The following ZBTB20 variants were observed in gnomAD, a reference collection of about 807,000 sequenced individuals.
ZBTB20 encodes zinc finger and BTB domain containing 20.
A neutral mutation model predicts 56.9 loss-of-function variants in ZBTB20; 9 were observed. The ratio of observed to expected loss-of-function variants is 0.16; its 90% CI spans 0.10 to 0.28. The LOEUF is 0.28. ZBTB20 is among the 10% of genes least tolerant of loss of function. ZBTB20 has a pLI of 1.00. For missense variants in ZBTB20, 655 were observed against 1,003.0 expected (o/e 0.65, Z 4.69); for synonymous variants, 417 against 420.7 (o/e 0.99, Z 0.11).
intron 2 of ZBTB20, among the ~76,000 whole-genome samples, chr3:114,985,307 T>C (rs1181318244): frequency 6.6e-6 from 1 of 152,052 alleles, no homozygotes; most frequent in Admixed American, 6.6e-5. Context: ...GCTTACAATG[T>C]GCAAGGTAGT....
In ZBTB20 at chr3:114,851,968, A is replaced by T. The variant is rs894545494; in HGVS notation, c.-417+48336T>A. Among the ~76,000 whole-genome samples the T allele has an allele frequency of 3.9e-5, 6 of 152,074 alleles. No individual in the cohort carries two copies. The South Asian group carries it at 1.0e-3, about 26-fold the overall frequency. ...TTTTTGGAGATACTATTTTTGTCTGAGATACGAGTTGCCAATCAAAATGAT... is the reference window on the plus strand; with the variant it reads ...TTTTTGGAGATACTATTTTTGTCTGTGATACGAGTTGCCAATCAAAATGAT... On this transcript the variant is annotated intron_variant, in intron 4 of 11. Transcript: ENST00000675478.
At chr3:114,784,421 A>G (rs1315988164) in intron 5 of ZBTB20, among the ~76,000 whole-genome samples, 2 of 152,228 alleles carry the variant, frequency 1.3e-5, no homozygotes, top group East Asian at 3.8e-4. Context: ...ACAAAATACA[A>G]TTAAATATGA....
At chr3:114,412,328 A>C (rs572898986) in intron 7 of ZBTB20, among the ~76,000 whole-genome samples, 47 of 152,280 alleles carry the variant, frequency 3.1e-4, no homozygotes, top group African/African-American at 1.1e-3. Flanking sequence ...CACTGTACAA[A>C]TGTAAGACAT....
chr3:114,793,295 A>T lies in ZBTB20; in HGVS notation c.-343+7806T>A, dbSNP rs184320040. On this transcript the variant is annotated intron_variant, in intron 5 of 11. Transcript: ENST00000675478. ...GTCTTAAGAAGAAAAATGTACACCA[A>T]ACCCCAATTATTAAACATTGGAATT... 4.6e-5 allele frequency among the ~76,000 whole-genome samples: 7 copies of T among 152,224 alleles called. No homozygotes were observed. The East Asian group carries it at 1.4e-3, about 29-fold the overall frequency.
chr3:114,675,160 C>T (rs986570696), intron 6 of ZBTB20, among the ~76,000 whole-genome samples: 2 of 151,452 alleles, frequency 1.3e-5, no homozygotes, highest in Non-Finnish European at 1.5e-5. Flanking sequence ...ATGCCCTGAT[C>T]TTCTAGCCAC....
intron 6 of ZBTB20, chr3:114,519,954 A>G (rs2046445292): frequency 6.6e-6 from 1 of 152,148 alleles, no homozygotes. Context: ...AAGTAAACCT[A>G]CTGAGGTTAT....
intron 5 of ZBTB20, among the ~76,000 whole-genome samples, chr3:114,768,106 T>C (rs2068912694): frequency 6.6e-6 from 1 of 151,968 alleles, no homozygotes; most frequent in Non-Finnish European, 1.5e-5. Flanking sequence ...GACCAAGCCA[T>C]AATAAATGGT....
chr3:114,385,625 T>C (rs1576520647), intron 8 of ZBTB20, among the ~76,000 whole-genome samples: 1 of 152,090 alleles, frequency 6.6e-6, no homozygotes, highest in African/African-American at 2.4e-5. Context: ...TCCCAGTACT[T>C]TGGGAAGTCG....
chr3:114,854,407 A>G (rs1326901131), intron 4 of ZBTB20, among the ~76,000 whole-genome samples: 7 of 152,086 alleles, frequency 4.6e-5, no homozygotes, highest in Non-Finnish European at 8.8e-5. Context: ...ACTCACTTCT[A>G]TTTCAGTTCT....
At chr3:114,774,856 A>T (rs1022942366) in intron 5 of ZBTB20, among the ~76,000 whole-genome samples, 13 of 152,038 alleles carry the variant, frequency 8.6e-5, no homozygotes, top group Admixed American at 7.9e-4. Flanking sequence ...TGCATTAATT[A>T]CTCTCAAAGA....
intron 3 of ZBTB20, among the ~76,000 whole-genome samples, chr3:114,906,028 G>C (rs1441835383): frequency 6.6e-6 from 1 of 151,606 alleles, no homozygotes; most frequent in East Asian, 1.9e-4. Flanking sequence ...TAAATTATTG[G>C]GGTGATTATT....
intron 1 of ZBTB20, among the ~76,000 whole-genome samples, chr3:115,097,584 G>C (rs764994478): frequency 1.3e-5 from 2 of 152,142 alleles, no homozygotes; most frequent in African/African-American, 2.4e-5. Context: ...GCATGGCAAA[G>C]CATGAAGTAA....
intron 6 of ZBTB20, among the ~76,000 whole-genome samples, chr3:114,501,494 C>T (rs910267458): frequency 1.1e-4 from 17 of 151,198 alleles, no homozygotes; most frequent in Admixed American, 1.3e-4. Context: ...GGCATGGTGG[C>T]GGGCGCCTGT....
At chr3:115,051,899 G>A (rs1334819411) in intron 2 of ZBTB20, among the ~76,000 whole-genome samples, 2 of 152,006 alleles carry the variant, frequency 1.3e-5, no homozygotes, top group Non-Finnish European at 2.9e-5. Flanking sequence ...GCTTACTATG[G>A]AGGAGCAGGA....
intron 2 of ZBTB20, among the ~76,000 whole-genome samples, chr3:114,994,738 T>A (rs115065662): frequency 0.012 from 1,823 of 152,018 alleles, 18 homozygotes; most frequent in Admixed American, 0.02. Flanking sequence ...CTGTTCTATA[T>A]TGATTTTCAT....
Position 114,318,770 on chromosome 3 carries a change from C to T in ZBTB20, c.*20235G>A, listed in dbSNP as rs1264368694. The T allele has an allele frequency of 6.6e-6, 1 of 152,152 alleles. No homozygotes were observed. The highest frequency in any genetic ancestry group is 1.5e-5 in the Non-Finnish European group (1 of 68,024). The allele number at this position is 152,152 out of a possible 1,614,324, so 9.4% of individuals were successfully genotyped here. On this transcript the variant is annotated 3_prime_UTR_variant, in exon 12 of 12. Coordinates refer to ENST00000675478, the MANE Select transcript of ZBTB20 (RefSeq NM_001348800.3). ...AACCATAAAAATTAAAGCAGGGCTT[C>T]GGTGGCTTTGATAATCTGACAGCTG...
At chr3:114,671,307 C>A (rs907813753) in intron 6 of ZBTB20, among the ~76,000 whole-genome samples, 1 of 152,034 alleles carries the variant, frequency 6.6e-6, no homozygotes, top group South Asian at 2.1e-4. Flanking sequence ...ACCTCAGGGA[C>A]CTTCACTTGC....
chr3:114,411,377 T>C (rs1417684851), intron 7 of ZBTB20, among the ~76,000 whole-genome samples: 2 of 152,124 alleles, frequency 1.3e-5, no homozygotes, highest in South Asian at 2.1e-4. Flanking sequence ...AAGGAGTGTC[T>C]GTAAGAATAA....
chr3:114,667,362 T>C (rs1578239578), intron 6 of ZBTB20, among the ~76,000 whole-genome samples: 1 of 152,062 alleles, frequency 6.6e-6, no homozygotes, highest in African/African-American at 2.4e-5. Flanking sequence ...AGCCAGTGAA[T>C]TGAATCAACT....
Sources: gnomAD v4.1 joint callset for allele counts (sites outside exome capture counted in the v4.1 genomes callset) on GRCh38, gnomAD v4.1.1 for gene constraint, MANE v1.5 for transcripts, NCBI Gene and HGNC (gene_info 2026-07-23, HGNC 2026-07-21) for gene names.